Variants in RSKR observed in about 807,000 individuals in gnomAD.
RSKR encodes ribosomal protein S6 kinase related.
Under a neutral mutation model 56.8 loss-of-function variants are expected in RSKR, and 44 were observed. The observed-to-expected ratio is 0.77, with a 90% CI of 0.61 to 1.00. The LOEUF (loss-of-function observed/expected upper bound fraction) is 1.00. RSKR is among the 50% of genes least tolerant of loss of function. The probability of loss-of-function intolerance (pLI) is 0.00; values close to 1 mark genes in which losing one functional copy is unlikely to be tolerated. For missense variants in RSKR, 510 were observed against 506.9 expected (o/e 1.01, Z -0.06); for synonymous variants, 181 against 188.0 (o/e 0.96, Z 0.30).
intron 4 of RSKR, 110 bp from the exon 5 acceptor site, chr17:28,612,797 C>CT (rs2070838475): frequency 9.7e-7 from 1 of 1,029,304 alleles, no homozygotes; most frequent in African/African-American, 1.6e-5. Flanking sequence ...GCTGCCTCAC[C>CT]TCTCAGTTCA....
At position 28,608,686 on chromosome 17, in the gene RSKR, G is replaced by A. The variant is rs2070775015; in HGVS notation, c.*1792C>T. The A allele has an allele frequency of 6.6e-6, 1 of 152,066 alleles. No individual in the cohort carries two copies. Among genetic ancestry groups the A allele is most frequent in the Non-Finnish European group, 1.5e-5 (1 of 68,016 alleles). The allele number at this position is 152,066 out of a possible 1,614,324, so 9.4% of individuals were successfully genotyped here. A position where few individuals can be genotyped will look rare whatever the true frequency, so the allele number is the denominator to read the frequency against. On this transcript the variant is annotated 3_prime_UTR_variant, in exon 12 of 12. Coordinates refer to ENST00000301037, the MANE Select transcript of RSKR (RefSeq NM_001174103.2). ...TTAAATTTCATAGAGATTTTCATAT[G>A]GATTACCAAAGTCCAATCCAGAAAA...
At chr17:28,614,054 C>T (rs756880478) in intron 1 of RSKR, 33 bp downstream of exon 1, 2 of 1,603,960 alleles carry the variant, frequency 1.2e-6, no homozygotes, top group Non-Finnish European at 8.5e-7. Context: ...CCCTCTCCTC[C>T]CCTCAGTAGG....
rs571844586 is a variant in RSKR, at chr17:28,612,281, G to C, written c.633C>G (p.Ala211=). The stretch of plus-strand genomic sequence containing the variant: ...ACTTACACAGTACCAGCACCAACTC[G>C]GCAGCAAAGAGACGGATGGAAGCCT... ...FPEASIRLFA[A]ELVLVLCYLH... is the part of the protein sequence containing the mutation. The change falls in exon 6 of 12, where the codon GCC becomes GCG. Residue 211 remains alanine, a synonymous_variant. Coordinates refer to ENST00000301037, the MANE Select transcript of RSKR (RefSeq NM_001174103.2). The C allele has an allele frequency of 6.4e-5, 104 of 1,614,070 alleles. No homozygotes were observed. In the South Asian group the frequency reaches 1.0e-3, roughly 16 times the overall value.
chr17:28,611,683 C>T, intron 8 of RSKR, 27 bp from the exon 9 acceptor site: 2 of 1,610,568 alleles, frequency 1.2e-6, no homozygotes, highest in East Asian at 4.5e-5. Context: ...GGCAACTGCA[C>T]CACTGTTCCA....
rs749382342 is a variant in RSKR, at chr17:28,609,032, C to CTTTTTTT, written c.*1439_*1445dup. 4.3e-5 allele frequency: 4 copies of CTTTTTTT among 93,632 alleles called. No individual in the cohort carries two copies. Among genetic ancestry groups the CTTTTTTT allele is most frequent in the Non-Finnish European group, 6.1e-5 (3 of 49,262 alleles). The allele number at this position is 93,632 out of a possible 1,614,324, so 5.8% of individuals were successfully genotyped here. A position where few individuals can be genotyped will look rare whatever the true frequency, so the allele number is the denominator to read the frequency against. On this transcript the variant is annotated 3_prime_UTR_variant, in exon 12 of 12. Transcript: ENST00000301037. Reference sequence around the variant, plus strand: ...TTGAGATATGTCTCTAACCTTAAATCTTTTTTTTTTTTTTTTTTTTTTTTT... The same window carrying CTTTTTTT: ...TTGAGATATGTCTCTAACCTTAAATCTTTTTTTTTTTTTTTTTTTTTTTTTTTTTTTT...
chr17:28,612,905 A>T (rs571679678), intron 4 of RSKR, 173 bp downstream of exon 4: 1 of 777,386 alleles, frequency 1.3e-6, no homozygotes, highest in South Asian at 1.6e-5. Context: ...CCCTAGTAGG[A>T]CATGGGAAAA....
In RSKR at chr17:28,613,657, C is replaced by T. The variant is rs759565135; in HGVS notation, c.107G>A (p.Arg36Gln). 6.2e-6 allele frequency: 10 copies of T among 1,614,132 alleles called. No homozygotes were observed. In the East Asian group the frequency reaches 6.7e-5, roughly 11 times the overall value. Residue 36 changes from arginine to glutamine, a missense_variant, in exon 2 of 12, where the codon CGA becomes CAA. Arg to Gln is a conservative substitution (Grantham distance 43, BLOSUM62 1). Transcript: ENST00000301037. ...ACCTGTCCAGAGGCTCTTCCAGCCT[C>T]GGGCCCAGGGACCCCGGATGTTGCC... The part of the protein sequence containing the change: ...QGGNIRGPWA[R>Q]GWKSLWTGLG...
At chr17:28,610,791 G>A in intron 11 of RSKR, 92 bp from the exon 12 acceptor site, 1 of 1,250,998 alleles carries the variant, frequency 8.0e-7, no homozygotes. Flanking sequence ...TCATGGAGCT[G>A]TGGAGGGTAG....
In RSKR at chr17:28,613,677, G is replaced by T; in HGVS notation, c.87C>A (p.Asn29Lys). 1 of 1,614,038 alleles carries T rather than the reference G, an allele frequency of 6.2e-7. No homozygotes were observed. Among genetic ancestry groups the T allele is most frequent in the South Asian group, 1.1e-5 (1 of 91,078 alleles). The change falls in exon 2 of 12, where the codon AAC (asparagine) becomes AAA (lysine). Residue 29 changes from asparagine to lysine, a missense_variant. Transcript: ENST00000301037. Reference protein sequence around the residue: ...RVAVPHKQGGNIRGPWARGWK... With the variant: ...RVAVPHKQGGKIRGPWARGWK... Reference sequence around the variant, plus strand: ...AGCCTCGGGCCCAGGGACCCCGGATGTTGCCACCCTGCTGAGAACCAAGGG... The same window carrying T: ...AGCCTCGGGCCCAGGGACCCCGGATTTTGCCACCCTGCTGAGAACCAAGGG...
intron 4 of RSKR, 176 bp downstream of exon 4, chr17:28,612,902 A>C: frequency 1.3e-6 from 1 of 769,042 alleles, no homozygotes. Flanking sequence ...TTTCCCTAGT[A>C]GGACATGGGA....
chr17:28,611,817 G>C (rs764385560), intron 7 of RSKR, 22 bp from the exon 8 acceptor site: 1 of 1,614,050 alleles, frequency 6.2e-7, no homozygotes, highest in Admixed American at 1.7e-5. Flanking sequence ...CAGGTGAGAA[G>C]TAATTCTTCC....
chr17:28,613,468 C>A lies in RSKR; in HGVS notation c.296G>T (p.Arg99Met). The A allele has an allele frequency of 6.2e-7, 1 of 1,614,176 alleles. No homozygotes were observed. The highest frequency in any genetic ancestry group is 8.5e-7 in the Non-Finnish European group (1 of 1,180,032). ...CAGCTGCTGCTGCCCCCTAATGGGC[C>A]TAATGGGAAACTCTGGTAGAAAGAG... ...INLFLPEFPIRPIRGQQQLKI... is the reference protein window; with the variant it reads ...INLFLPEFPIMPIRGQQQLKI... Residue 99 changes from arginine to methionine, a missense_variant, in exon 2 of 12, where the codon AGG (arginine) becomes ATG (methionine). By Grantham distance (91) the Arg-to-Met change is moderately conservative (BLOSUM62 -1). Transcript: ENST00000301037.
rs1038058093 is a variant in RSKR at position 28,611,166 on chromosome 17, C to G, written c.988G>C (p.Gly330Arg). The change falls in exon 11 of 12, where the codon GGC becomes CGC. Residue 330 changes from glycine (G) to arginine (R), a missense_variant. By Grantham distance (125) the Gly-to-Arg change is moderately radical. Coordinates refer to ENST00000301037, the MANE Select transcript of RSKR (RefSeq NM_001174103.2). ...ACCTCATGGAGCAGGAGTGAGAGGC[C>G]CTGGTTAAGAGAAGCTGGGATCTCA... is the stretch of plus-strand genomic sequence containing the variant. The part of the protein sequence containing the change: ...DSEIPASLNQ[G>R]LSLLLHELLC... 6.5e-7 allele frequency: 1 copy of G among 1,536,050 alleles called. No homozygotes were observed. Among genetic ancestry groups the G allele is most frequent in the African/African-American group, 1.4e-5 (1 of 72,980 alleles).
At chr17:28,614,002 A>C (rs564300537) in intron 1 of RSKR, 85 bp downstream of exon 1, 40 of 1,540,772 alleles carry the variant, frequency 2.6e-5, no homozygotes, top group Non-Finnish European at 2.9e-5. Context: ...AATCACTTCC[A>C]TGCTCCTAAC....
Position 28,611,622 on chromosome 17 carries a change from G to A in RSKR, c.756C>T (p.Arg252=). The A allele has an allele frequency of 6.3e-7, 1 of 1,575,582 alleles. No individual in the cohort carries two copies. Among genetic ancestry groups the A allele is most frequent in the Non-Finnish European group, 8.6e-7 (1 of 1,162,136 alleles). ...AGGCTTGAGCTCCCTGGGGCACGTG[G>A]CGGGACAGACCAAAGTCTGTCAGTT... ...HLKLTDFGLS[R]HVPQGAQAYT... The change falls in exon 9 of 12, where the codon CGC becomes CGT. Residue 252 remains arginine, a synonymous_variant. Transcript: ENST00000301037.
Position 28,608,826 on chromosome 17 carries a change from A to G in RSKR, c.*1652T>C, listed in dbSNP as rs1050587058. Reference sequence around the variant, plus strand: ...GTACTCTCCAGACTGTCTTTTGTCTAGAGAGATTAGATGTAACTAAATAAT... The same window carrying G: ...GTACTCTCCAGACTGTCTTTTGTCTGGAGAGATTAGATGTAACTAAATAAT... On this transcript the variant is annotated 3_prime_UTR_variant, in exon 12 of 12. Coordinates refer to ENST00000301037, the MANE Select transcript of RSKR (RefSeq NM_001174103.2). 6.6e-6 allele frequency: 1 copy of G among 152,164 alleles called. No homozygotes were observed. Among genetic ancestry groups the G allele is most frequent in the Admixed American group, 6.5e-5 (1 of 15,270 alleles). The allele number at this position is 152,164 out of a possible 1,614,324, so 9.4% of individuals were successfully genotyped here. A position where few individuals can be genotyped will look rare whatever the true frequency, so the allele number is the denominator to read the frequency against.
At chr17:28,611,318 G>C (rs2070810125) in intron 10 of RSKR, 65 bp from the exon 11 acceptor site, 7 of 1,529,592 alleles carry the variant, frequency 4.6e-6, no homozygotes, top group East Asian at 2.5e-5. Flanking sequence ...AATACGGCAA[G>C]ATTTCCTAAG....
Position 28,612,269 on chromosome 17 carries a change from C to A in RSKR, c.645G>T (p.Leu215=). ...TACCACTGTTTCACTTACACAGTAC[C>A]AGCACCAACTCGGCAGCAAAGAGAC... ...SIRLFAAELV[L]VLCYLHDLGI... The change falls in exon 6 of 12, where the codon CTG becomes CTT. Residue 215 remains leucine (L), a synonymous_variant. Transcript: ENST00000301037. 1 of 1,614,096 alleles carries A rather than the reference C, an allele frequency of 6.2e-7. No individual in the cohort carries two copies. Among genetic ancestry groups the A allele is most frequent in the Non-Finnish European group, 8.5e-7 (1 of 1,180,006 alleles).
In RSKR at chr17:28,612,294, C is replaced by A. The variant is rs200119928; in HGVS notation, c.620G>T (p.Arg207Leu). The change falls in exon 6 of 12, where the codon CGT becomes CTT. Residue 207 changes from arginine to leucine, a missense_variant. By Grantham distance (102) the Arg-to-Leu change is moderately radical (BLOSUM62 -2). Coordinates refer to ENST00000301037, the MANE Select transcript of RSKR (RefSeq NM_001174103.2). ...CAGCACCAACTCGGCAGCAAAGAGA[C>A]GGATGGAAGCCTCAGGAAAGCAGCC... ...AVGCFPEASI[R>L]LFAAELVLVL... The A allele has an allele frequency of 1.2e-5, 20 of 1,614,090 alleles. No individual in the cohort carries two copies. The highest frequency in any genetic ancestry group is 1.7e-5 in the Non-Finnish European group (20 of 1,180,044).
Sources: allele counts gnomAD v4.1 joint callset, GRCh38; gene constraint gnomAD v4.1.1; transcripts MANE v1.5; gene names NCBI Gene and HGNC (gene_info 2026-07-23, HGNC 2026-07-21).